CCDC144A: variants seen among roughly 807,000 people sequenced by gnomAD.
CCDC144A encodes coiled-coil domain-containing protein 144A.
In CCDC144A, 41 loss-of-function variants were observed where a neutral mutation model predicts 143.8. The observed-to-expected ratio is 0.29, with a 90% CI of 0.22 to 0.37. The LOEUF (loss-of-function observed/expected upper bound fraction) is 0.37, where lower values mean the gene tolerates loss of function less well. CCDC144A is among the 10% of genes least tolerant of loss of function. The probability of loss-of-function intolerance (pLI) is 1.00; values close to 1 mark genes in which losing one functional copy is unlikely to be tolerated. For missense variants in CCDC144A, 637 were observed against 1,488.8 expected (o/e 0.43, Z 9.41); for synonymous variants, 242 against 517.9 (o/e 0.47, Z 7.23).
At chr17:16,704,083 T>C (rs1597538209) in intron 2 of CCDC144A, among the ~76,000 whole-genome samples, 2 of 152,364 alleles carry the variant, frequency 1.3e-5, no homozygotes, top group East Asian at 3.9e-4. Flanking sequence ...TGTGGATAAA[T>C]GCACCCTTTA....
chr17:16,759,454 AG>A lies in CCDC144A; in HGVS notation c.3373-1969del, dbSNP rs1915257349. Among the ~76,000 whole-genome samples, 7 of 152,262 alleles carry A rather than the reference AG, an allele frequency of 4.6e-5. No individual in the cohort carries two copies. The South Asian group carries it at 1.5e-3, about 32-fold the overall frequency. ...ATATTTGGGAATCTGACATGTGGAGAGGCTATAAAAAGGATACTGAACCTAG... is the reference window on the plus strand; with the variant it reads ...ATATTTGGGAATCTGACATGTGGAGAGCTATAAAAAGGATACTGAACCTAG... On this transcript the variant is annotated intron_variant, in intron 12 of 16. Coordinates refer to ENST00000399273, the MANE Select transcript of CCDC144A (RefSeq NM_001382000.1).
intron 12 of CCDC144A, among the ~76,000 whole-genome samples, chr17:16,739,587 G>C: frequency 6.8e-6 from 1 of 147,878 alleles, no homozygotes; most frequent in African/African-American, 2.5e-5. Context: ...TTTTAGGTAT[G>C]ACATTTGGTG....
intron 11 of CCDC144A, among the ~76,000 whole-genome samples, chr17:16,734,213 C>T (rs1767243408): frequency 6.8e-6 from 1 of 147,926 alleles, no homozygotes; most frequent in Admixed American, 6.8e-5. Flanking sequence ...TCTTATATAA[C>T]TGATGAGAAA....
intron 15 of CCDC144A, among the ~76,000 whole-genome samples, chr17:16,767,830 T>G (rs1387938494): frequency 1.1e-4 from 17 of 152,256 alleles, no homozygotes; most frequent in African/African-American, 3.9e-4. Flanking sequence ...CAGTTAGCAT[T>G]TATTGCATCT....
At position 16,763,232 on chromosome 17, in the gene CCDC144A, C is replaced by T. The variant is rs1383752452; in HGVS notation, c.3887+699C>T. Among the ~76,000 whole-genome samples the T allele has an allele frequency of 6.6e-5, 10 of 151,846 alleles. No homozygotes were observed. The East Asian group carries it at 9.6e-4, about 15-fold the overall frequency. On this transcript the variant is annotated intron_variant, in intron 14 of 16. Transcript: ENST00000399273. ...CAGGCCCCACCTCTGATACATGGGC[C>T]GCAGTGTTAGGAGCTGATTGTCCTC...
chr17:16,724,787 A>ATTTTTTTTTTTTTTT (rs760344292), intron 8 of CCDC144A, among the ~76,000 whole-genome samples: 5 of 35,112 alleles, frequency 1.4e-4, no homozygotes, highest in African/African-American at 2.2e-4. Flanking sequence ...GATTAACTGA[A>ATTTTTTTTTTTTTTT]TTTTTTTTTT....
chr17:16,701,769 G>A lies in CCDC144A; in HGVS notation c.416-3382G>A, dbSNP rs567398504. Among the ~76,000 whole-genome samples, 4 of 151,854 alleles carry A rather than the reference G, an allele frequency of 2.6e-5. No individual in the cohort carries two copies. The South Asian group carries it at 8.3e-4, about 32-fold the overall frequency. ...GTGCTGAGAAAGCGTGATCTCTGTA[G>A]ACGTTTGCCACGTAACGGGGAGGGT... On this transcript the variant is annotated intron_variant, in intron 2 of 16. Coordinates refer to ENST00000399273, the MANE Select transcript of CCDC144A (RefSeq NM_001382000.1).
At chr17:16,699,379 T>TTTG (rs908455112) in intron 2 of CCDC144A, among the ~76,000 whole-genome samples, 14 of 149,964 alleles carry the variant, frequency 9.3e-5, no homozygotes, top group African/African-American at 1.5e-4. Flanking sequence ...TTGGACTTTT[T>TTTG]TTGTTGTTGT....
intron 2 of CCDC144A, chr17:16,695,495 G>A (rs1911346327): frequency 6.6e-6 from 1 of 151,970 alleles, no homozygotes; most frequent in Non-Finnish European, 1.5e-5. Flanking sequence ...AGCTACTTGG[G>A]AGGCTGAGGT....
intron 12 of CCDC144A, among the ~76,000 whole-genome samples, chr17:16,741,835 T>C (rs1914270778): frequency 6.6e-6 from 1 of 152,160 alleles, no homozygotes; most frequent in Admixed American, 6.5e-5. Context: ...TGCATAATGG[T>C]CAAATCAGGC....
chr17:16,714,176 C>T (rs972321408), intron 6 of CCDC144A, among the ~76,000 whole-genome samples: 7 of 152,178 alleles, frequency 4.6e-5, no homozygotes, highest in Non-Finnish European at 8.8e-5. Flanking sequence ...TCATATCCCA[C>T]CTTTTACACA....
chr17:16,742,696 C>T (rs567257444), intron 12 of CCDC144A, among the ~76,000 whole-genome samples: 2 of 152,248 alleles, frequency 1.3e-5, no homozygotes, highest in East Asian at 1.9e-4. Context: ...TCTCTCCAAC[C>T]TCGCCAGGAT....
At chr17:16,712,017 T>C (rs1912478870) in intron 6 of CCDC144A, 1 of 739,560 alleles carries the variant, frequency 1.4e-6, no homozygotes, top group South Asian at 1.9e-5. Flanking sequence ...GTAATCCCAG[T>C]TACTCAGGAG....
chr17:16,711,515 A>G (rs1912443640), intron 5 of CCDC144A, among the ~76,000 whole-genome samples, 164 bp from the exon 6 acceptor site: 1 of 152,164 alleles, frequency 6.6e-6, no homozygotes, highest in Admixed American at 6.5e-5. Context: ...TTATATGATG[A>G]TAGTTCCAGA....
intron 2 of CCDC144A, among the ~76,000 whole-genome samples, chr17:16,700,434 C>T (rs988929036): frequency 1.1e-4 from 16 of 152,182 alleles, no homozygotes; most frequent in African/African-American, 3.9e-4. Context: ...CATAGTAAAC[C>T]ACATTTGCAC....
chr17:16,746,729 G>C (rs1198134998), intron 12 of CCDC144A: 1 of 1,611,492 alleles, frequency 6.2e-7, no homozygotes, highest in East Asian at 2.2e-5. Flanking sequence ...CTGCTCCTTG[G>C]TGAGGCCCGG....
At chr17:16,744,290 C>A (rs377208696) in intron 12 of CCDC144A, among the ~76,000 whole-genome samples, 2 of 152,162 alleles carry the variant, frequency 1.3e-5, no homozygotes, top group Admixed American at 6.5e-5. Flanking sequence ...AGTGGCTGAA[C>A]GAATTTACCA....
chr17:16,687,598 G>A (rs1402868657), upstream of CCDC144A, among the ~76,000 whole-genome samples: 3 of 152,100 alleles, frequency 2.0e-5, no homozygotes, highest in African/African-American at 7.2e-5. Context: ...CGAACATTAC[G>A]GAGACTCCCT....
rs573526692 is a variant in CCDC144A at position 16,752,328 on chromosome 17, G to A, written c.3373-9097G>A. Among the ~76,000 whole-genome samples the A allele has an allele frequency of 5.4e-3, 819 of 152,236 alleles. 9 individuals carry two copies. Among genetic ancestry groups the A allele is most frequent in the African/African-American group, 0.019 (769 of 41,522 alleles). ...ATCGCGAAACCATCCCCACCCCACC[G>A]TCTGTGGAAAAATTGTTTTCCACAA... is the stretch of plus-strand genomic sequence containing the variant. On this transcript the variant is annotated intron_variant, in intron 12 of 16. Transcript: ENST00000399273.
Sources: gnomAD v4.1 joint callset for allele counts (sites outside exome capture counted in the v4.1 genomes callset) on GRCh38, gnomAD v4.1.1 for gene constraint, MANE v1.5 for transcripts, NCBI Gene and HGNC (gene_info 2026-07-23, HGNC 2026-07-21) for gene names.